The following LIN9 variants were observed in gnomAD, a reference collection of about 807,000 sequenced individuals.
LIN9 encodes lin-9 DREAM MuvB core complex component, also known as protein lin-9 homolog.
LIN9 carries 18 observed loss-of-function variants against 78.0 expected under a neutral mutation model. That is an observed-to-expected ratio of 0.23 (90% CI 0.16 to 0.34). LIN9 has a LOEUF of 0.34. LIN9 is among the 10% of genes least tolerant of loss of function. The pLI, the probability that LIN9 is intolerant of heterozygous loss-of-function variation, is 1.00. For missense variants in LIN9, 451 were observed against 644.1 expected (o/e 0.70, Z 3.25); for synonymous variants, 192 against 215.2 (o/e 0.89, Z 0.94).
chr1:226,255,960 T>C (rs1659164867), intron 10 of LIN9, among the ~76,000 whole-genome samples: 1 of 151,780 alleles, frequency 6.6e-6, no homozygotes, highest in Non-Finnish European at 1.5e-5. Context: ...TGAATGAGAA[T>C]TTCCCCAATT....
chr1:226,288,903 T>C (rs1385870615), intron 4 of LIN9, among the ~76,000 whole-genome samples: 1 of 152,184 alleles, frequency 6.6e-6, no homozygotes, highest in African/African-American at 2.4e-5. Context: ...TCAAGTTGAT[T>C]CTAAAGTCTA....
chr1:226,305,832 T>C (rs1223521883), intron 1 of LIN9, among the ~76,000 whole-genome samples: 1 of 152,114 alleles, frequency 6.6e-6, no homozygotes. Context: ...GAGGATGACA[T>C]ACATTCGTTT....
rs554083442 is a variant in LIN9, at chr1:226,302,195, G to T, written c.32-990C>A. On this transcript the variant is annotated intron_variant, in intron 1 of 14. Coordinates refer to ENST00000681046, the MANE Select transcript of LIN9 (RefSeq NM_001366245.2). ...GGTAACCCACTTTGAGAAACATCAG[G>T]CTACAGGTTCTGGTGTGAATGAATT... Among the ~76,000 whole-genome samples, 25 of 152,258 alleles carry T rather than the reference G, an allele frequency of 1.6e-4. 1 individual carries two copies. The South Asian group carries it at 5.0e-3, about 30-fold the overall frequency.
intron 6 of LIN9, among the ~76,000 whole-genome samples, chr1:226,282,454 AT>A (rs1661126845): frequency 6.6e-6 from 1 of 152,254 alleles, no homozygotes; most frequent in Non-Finnish European, 1.5e-5. Flanking sequence ...AGTAATATGT[AT>A]GAGTGACTAA....
chr1:226,309,446 T>C (rs931521810), upstream of LIN9: 28 of 1,078,774 alleles, frequency 2.6e-5, no homozygotes, highest in Non-Finnish European at 3.0e-5. Context: ...CAGTACCAGC[T>C]CCGGAGTCCC....
At chr1:226,287,337 TA>T (rs1661435992) in intron 5 of LIN9, among the ~76,000 whole-genome samples, 1 of 152,196 alleles carries the variant, frequency 6.6e-6, no homozygotes, top group African/African-American at 2.4e-5. Context: ...TACCAGCACT[TA>T]ACATCTCAAT....
chr1:226,276,660 A>G (rs1212536282), intron 7 of LIN9, among the ~76,000 whole-genome samples: 2 of 152,186 alleles, frequency 1.3e-5, no homozygotes. Context: ...TCCAAAAACT[A>G]TTCTCGAATT....
intron 11 of LIN9, among the ~76,000 whole-genome samples, chr1:226,240,970 T>C (rs1448299989): frequency 6.6e-6 from 1 of 152,176 alleles, no homozygotes; most frequent in Non-Finnish European, 1.5e-5. Context: ...AGCCAGTAAG[T>C]GGTAACCTTG....
chr1:226,305,977 T>C (rs761140180), intron 1 of LIN9, among the ~76,000 whole-genome samples: 1 of 152,040 alleles, frequency 6.6e-6, no homozygotes, highest in Non-Finnish European at 1.5e-5. Context: ...TTGATAGATA[T>C]TTAGAAGGTA....
At chr1:226,274,359 C>CCATCCATATCAGTGCTCCTCTTA (rs1315158263) in intron 7 of LIN9, among the ~76,000 whole-genome samples, 3 of 152,060 alleles carry the variant, frequency 2.0e-5, no homozygotes, top group African/African-American at 7.2e-5. Context: ...AAGTTGGCTG[C>CCATCCATATCAGTGCTCCTCTTA]CATCCATATC....
intron 11 of LIN9, among the ~76,000 whole-genome samples, chr1:226,244,287 C>T (rs1241451626): frequency 1.3e-5 from 2 of 151,866 alleles, no homozygotes; most frequent in African/African-American, 4.8e-5. Flanking sequence ...AAAAAATTAG[C>T]CGGGCGCGGT....
chr1:226,294,218 G>A (rs926492517), intron 4 of LIN9, among the ~76,000 whole-genome samples: 9 of 144,928 alleles, frequency 6.2e-5, no homozygotes, highest in Non-Finnish European at 1.0e-4. Context: ...TGAGGGACAA[G>A]AATCACTTCA....
At chr1:226,295,575 C>G (rs1662098766) in intron 4 of LIN9, among the ~76,000 whole-genome samples, 1 of 151,840 alleles carries the variant, frequency 6.6e-6, no homozygotes, top group African/African-American at 2.4e-5. Context: ...CTGTGCAAAC[C>G]TACAAATTGA....
intron 7 of LIN9, among the ~76,000 whole-genome samples, chr1:226,273,799 T>A (rs1319127818): frequency 6.6e-6 from 1 of 151,512 alleles, no homozygotes. Context: ...TGAGCCACAA[T>A]GGGCTAGGAA....
At chr1:226,302,543 T>C (rs1336739026) in intron 1 of LIN9, among the ~76,000 whole-genome samples, 1 of 137,136 alleles carries the variant, frequency 7.3e-6, no homozygotes, top group African/African-American at 2.8e-5. Flanking sequence ...TGAGACTCCA[T>C]GTCCAAAAAA....
At position 226,265,682 on chromosome 1, in the gene LIN9, G is replaced by T; in HGVS notation, c.937-48C>A. ...TTTAATCATTGACTATTCAGAGGAAGTATCTTATTTTTTTATTTTTATTTT... is the reference window on the plus strand; with the variant it reads ...TTTAATCATTGACTATTCAGAGGAATTATCTTATTTTTTTATTTTTATTTT... On this transcript the variant is annotated intron_variant, in intron 9 of 14. Transcript: ENST00000681046. The surrounding 1 kb of genome is among the most constrained non-coding windows in gnomAD (Gnocchi z 4.1). 9.8e-7 allele frequency: 1 copy of T among 1,015,376 alleles called. No homozygotes were observed. Among genetic ancestry groups the T allele is most frequent in the Non-Finnish European group, 1.5e-6 (1 of 666,684 alleles). The allele number at this position is 1,015,376 out of a possible 1,614,324, so 62.9% of individuals were successfully genotyped here.
chr1:226,253,868 T>C (rs1317349993), intron 10 of LIN9, among the ~76,000 whole-genome samples: 1 of 151,776 alleles, frequency 6.6e-6, no homozygotes, highest in African/African-American at 2.4e-5. Context: ...TGAGCTAAGA[T>C]CACACCACTG....
intron 4 of LIN9, among the ~76,000 whole-genome samples, chr1:226,289,013 C>A (rs781672237): frequency 6.6e-6 from 1 of 152,046 alleles, no homozygotes; most frequent in African/African-American, 2.4e-5. Context: ...CCGAGATGGG[C>A]GGATCACAAG....
chr1:226,303,253 C>T (rs142463944), intron 1 of LIN9, among the ~76,000 whole-genome samples: 2 of 152,300 alleles, frequency 1.3e-5, no homozygotes, highest in Non-Finnish European at 2.9e-5. Context: ...TCCCTACCTG[C>T]TCTAGGCAAT....
Sources: allele counts gnomAD v4.1 joint callset (sites outside exome capture counted in the v4.1 genomes callset), GRCh38; gene constraint gnomAD v4.1.1; non-coding constraint Gnocchi (gnomAD v3.1); transcripts MANE v1.5; gene names NCBI Gene and HGNC (gene_info 2026-07-23, HGNC 2026-07-21).